Variants in LRTM1 observed in about 807,000 individuals in gnomAD.
The protein encoded by LRTM1 is leucine rich repeat transmembrane protein 1.
In LRTM1, 38 loss-of-function variants were observed where a neutral mutation model predicts 32.4. That is an observed-to-expected ratio of 1.17 (90% CI 0.91 to 1.54). The LOEUF is 1.54. Ranked by LOEUF, LRTM1 falls within the 40% of genes most tolerant of loss-of-function variation. LRTM1 has a pLI of 0.00. For missense variants in LRTM1, 466 were observed against 415.4 expected, an observed-to-expected ratio of 1.12 and a Z score of -1.06; for synonymous variants, 186 against 169.9, an observed-to-expected ratio of 1.09 and a Z score of -0.74.
At chr3:54,943,432 C>T (rs1236788537) in intron 1 of LRTM1, among the ~76,000 whole-genome samples, 1 of 152,170 alleles carries the variant, frequency 6.6e-6, no homozygotes. Flanking sequence ...TACACCGGCT[C>T]ATCCTGCCCT....
chr3:54,928,321 C>T (rs1051080557), upstream of LRTM1, among the ~76,000 whole-genome samples: 3 of 152,164 alleles, frequency 2.0e-5, no homozygotes, highest in Non-Finnish European at 4.4e-5. Flanking sequence ...GCTTGAAGTA[C>T]AGGGCACCAA....
intron 1 of LRTM1, among the ~76,000 whole-genome samples, chr3:54,938,614 T>C (rs112185804): frequency 0.031 from 4,724 of 151,708 alleles, 229 homozygotes; most frequent in African/African-American, 0.11. Context: ...CAAGCCCCCT[T>C]AGTTACCCCC....
intron 2 of LRTM1, among the ~76,000 whole-genome samples, chr3:54,923,216 C>G (rs1700904104): frequency 6.6e-6 from 1 of 152,186 alleles, no homozygotes; most frequent in Non-Finnish European, 1.5e-5. Flanking sequence ...TTGGCCTTCT[C>G]TGCACACTTC....
chr3:54,918,651 C>T lies in LRTM1; in HGVS notation c.846G>A (p.Leu282=). 2 of 1,614,180 alleles carry T rather than the reference C, an allele frequency of 1.2e-6. No individual in the cohort carries two copies. The highest frequency in any genetic ancestry group is 2.2e-5 in the South Asian group (2 of 91,076). ...ELKPKPRPAN[L]RHAIATVIIT... The stretch of plus-strand genomic sequence containing the variant: ...TGATGACAGTGGCAATGGCATGACG[C>T]AGGTTGGCCGGCCTTGGCTTGGGTT... Residue 282 remains leucine, a synonymous_variant, in exon 3 of 3, where the codon CTG becomes CTA. Coordinates refer to ENST00000273286, the MANE Select transcript of LRTM1 (RefSeq NM_020678.4).
In LRTM1 at chr3:54,924,619, C is replaced by G. The variant is rs758377265; in HGVS notation, c.604G>C (p.Gly202Arg). 2 of 1,612,398 alleles carry G rather than the reference C, an allele frequency of 1.2e-6. No individual in the cohort carries two copies. Among genetic ancestry groups the G allele is most frequent in the East Asian group, 2.2e-5 (1 of 44,866 alleles). Residue 202 changes from glycine to arginine, a missense_variant and splice_region_variant, in exon 2 of 3, where the codon GGG becomes CGG. By Grantham distance (125) the Gly-to-Arg change is moderately radical. Coordinates refer to ENST00000273286, the MANE Select transcript of LRTM1 (RefSeq NM_020678.4). ...KLWLEKFVYK[G>R]GLTDGIICES... is the part of the protein sequence containing the mutation. ...GGGGTTCCAAATAGACATGACTGAC[C>G]TTTATAGACAAATTTCTCCAGCCAG...
intron 2 of LRTM1, among the ~76,000 whole-genome samples, chr3:54,919,210 T>G (rs1271641247): frequency 6.6e-6 from 1 of 152,196 alleles, no homozygotes; most frequent in Admixed American, 6.5e-5. Context: ...GGGCCGATGG[T>G]GAGGGCACAG....
intron 1 of LRTM1, among the ~76,000 whole-genome samples, chr3:54,957,742 C>A (rs1350373894): frequency 1.3e-5 from 2 of 152,086 alleles, no homozygotes; most frequent in Non-Finnish European, 2.9e-5. Flanking sequence ...TCCCTGGTGC[C>A]CATTGCTCCA....
At chr3:54,939,662 G>A (rs1701413791) in intron 1 of LRTM1, among the ~76,000 whole-genome samples, 1 of 152,234 alleles carries the variant, frequency 6.6e-6, no homozygotes, top group African/African-American at 2.4e-5. Flanking sequence ...CTATCAGTCA[G>A]ATCTGGGACA....
At chr3:54,932,085 G>A (rs1701204157), upstream of LRTM1, among the ~76,000 whole-genome samples, 1 of 152,226 alleles carries the variant, frequency 6.6e-6, no homozygotes, top group South Asian at 2.1e-4. Flanking sequence ...GGGAGGCTGA[G>A]GTAGGAGGAT....
At chr3:54,955,327 CAGA>C (rs1701860284) in intron 1 of LRTM1, among the ~76,000 whole-genome samples, 1 of 152,142 alleles carries the variant, frequency 6.6e-6, no homozygotes, top group Non-Finnish European at 1.5e-5. Context: ...AAGCTACTCT[CAGA>C]AGAACAGATG....
At chr3:54,920,295 G>A (rs1426111430) in intron 2 of LRTM1, among the ~76,000 whole-genome samples, 1 of 152,140 alleles carries the variant, frequency 6.6e-6, no homozygotes, top group Non-Finnish European at 1.5e-5. Flanking sequence ...TAAGTAGATA[G>A]GGCCTATCTT....
chr3:54,936,280 G>A (rs1393811710), intron 1 of LRTM1, among the ~76,000 whole-genome samples: 1 of 152,074 alleles, frequency 6.6e-6, no homozygotes. Flanking sequence ...AATCTGCTTG[G>A]TACAAAAACA....
chr3:54,942,463 T>G (rs190635744), intron 1 of LRTM1, among the ~76,000 whole-genome samples: 6 of 152,362 alleles, frequency 3.9e-5, no homozygotes, highest in African/African-American at 1.2e-4. Context: ...ATCTTGAGGC[T>G]GGGACCTTGA....
rs1183441934 is a variant in LRTM1, at chr3:54,926,799, G to A, written c.7+1106C>T. On this transcript the variant is annotated intron_variant, in intron 1 of 2. Transcript: ENST00000273286. ...AGTTTTTTTCTTCATTCTAAATGAT[G>A]CTGTAAAACAGCATCCTTGTTCAGA... Among the ~76,000 whole-genome samples the A allele has an allele frequency of 5.3e-5, 8 of 152,106 alleles. No individual in the cohort carries two copies. The East Asian group carries it at 1.4e-3, about 26-fold the overall frequency.
rs1700753483 is a variant in LRTM1, at chr3:54,918,996, T to G, written c.605-104A>C. The G allele has an allele frequency of 1.7e-4, 12 of 70,132 alleles. No homozygotes were observed. The South Asian group carries it at 2.4e-3, about 14-fold the overall frequency. The allele number at this position is 70,132 out of a possible 1,614,324, so 4.3% of individuals were successfully genotyped here. On this transcript the variant is annotated intron_variant, in intron 2 of 2. Coordinates refer to ENST00000273286, the MANE Select transcript of LRTM1 (RefSeq NM_020678.4). ...AGGCAGATGGAATTTATGAAGTACC[T>G]TTTTTTTTTTTAAATCCTGGAGTCA...
chr3:54,944,741 G>A (rs1445074873), intron 1 of LRTM1, among the ~76,000 whole-genome samples: 4 of 152,020 alleles, frequency 2.6e-5, no homozygotes. Flanking sequence ...ATTTTTTATA[G>A]CAGCCTTTTC....
At chr3:54,920,486 A>T (rs974732441) in intron 2 of LRTM1, among the ~76,000 whole-genome samples, 1 of 152,190 alleles carries the variant, frequency 6.6e-6, no homozygotes, top group Admixed American at 6.5e-5. Context: ...TAAAGCAGAA[A>T]GATAAAAGGG....
chr3:54,952,270 C>T (rs1701776258), intron 1 of LRTM1, among the ~76,000 whole-genome samples: 1 of 152,212 alleles, frequency 6.6e-6, no homozygotes, highest in African/African-American at 2.4e-5. Flanking sequence ...CCTGTGGGCA[C>T]AGGTTTCCTA....
chr3:54,946,664 G>A (rs201586916), intron 1 of LRTM1, among the ~76,000 whole-genome samples: 34 of 152,022 alleles, frequency 2.2e-4, no homozygotes, highest in African/African-American at 7.5e-4. Flanking sequence ...GTGCAAACCT[G>A]GGGGGAGCTA....
Sources: allele counts gnomAD v4.1 joint callset (sites outside exome capture counted in the v4.1 genomes callset), GRCh38; gene constraint gnomAD v4.1.1; transcripts MANE v1.5; gene names NCBI Gene and HGNC (gene_info 2026-07-23, HGNC 2026-07-21).